Variants in JAK2 observed in about 807,000 individuals in gnomAD.
JAK2 encodes Janus kinase 2, also known as tyrosine-protein kinase JAK2.
Under a neutral mutation model 139.3 loss-of-function variants are expected in JAK2, and 86 were observed. That is an observed-to-expected ratio of 0.62 (90% CI 0.52 to 0.74). The LOEUF is 0.74. Ranked by LOEUF, JAK2 falls within the 30% of genes least tolerant of loss-of-function variation. JAK2 has a pLI of 0.00. For missense variants in JAK2, 1,421 were observed against 1,360.3 expected (o/e 1.04, Z -0.70); for synonymous variants, 490 against 437.7 (o/e 1.12, Z -1.49).
chr9:5,115,879 G>A (rs1043999312), intron 22 of JAK2, among the ~76,000 whole-genome samples: 2 of 152,114 alleles, frequency 1.3e-5, no homozygotes, highest in African/African-American at 4.8e-5. Context: ...GACACAGGGA[G>A]GGGAACATCA....
At chr9:5,073,373 C>G (rs925351977) in intron 13 of JAK2, among the ~76,000 whole-genome samples, 1 of 152,160 alleles carries the variant, frequency 6.6e-6, no homozygotes, top group Non-Finnish European at 1.5e-5. Context: ...CTATATCTAT[C>G]TCTGACATCT....
chr9:5,127,332 T>G lies in JAK2; in HGVS notation c.*541T>G, dbSNP rs568557427. The G allele has an allele frequency of 2.6e-5, 6 of 232,178 alleles. No individual in the cohort carries two copies. The South Asian group carries it at 9.1e-4, about 35-fold the overall frequency. The allele number at this position is 232,178 out of a possible 1,614,324, so 14.4% of individuals were successfully genotyped here. A position where few individuals can be genotyped will look rare whatever the true frequency, so the allele number is the denominator to read the frequency against. ...TCAGATAATTGAATAAGTACCTTTGTGTCCTTGTTCATTTATATCGCTGGC... is the reference window on the plus strand; with the variant it reads ...TCAGATAATTGAATAAGTACCTTTGGGTCCTTGTTCATTTATATCGCTGGC... On this transcript the variant is annotated 3_prime_UTR_variant, in exon 25 of 25. Coordinates refer to ENST00000381652, the MANE Select transcript of JAK2 (RefSeq NM_004972.4).
rs1168658789 is a variant in JAK2 at position 5,081,825 on chromosome 9, A to G, written c.2535A>G (p.Glu845=). ...AFEDRDPTQF[E]ERHLKFLQQL... ...AAGACCGGGATCCTACACAGTTTGA[A>G]GAGAGACATTTGAAATTTCTACAGC... Residue 845 remains glutamate (E), a synonymous_variant, in exon 19 of 25, where the codon GAA becomes GAG. Transcript: ENST00000381652. The G allele has an allele frequency of 1.2e-6, 2 of 1,613,776 alleles. No homozygotes were observed. Among genetic ancestry groups the G allele is most frequent in the Non-Finnish European group, 1.7e-6 (2 of 1,179,664 alleles).
intron 11 of JAK2, among the ~76,000 whole-genome samples, chr9:5,069,545 TA>T (rs1365141876): frequency 6.6e-6 from 1 of 152,120 alleles, no homozygotes; most frequent in Non-Finnish European, 1.5e-5. Flanking sequence ...TTCTGTATTT[TA>T]AAAATAAAGA....
At chr9:5,114,243 A>G (rs917841070) in intron 22 of JAK2, 2 of 532,590 alleles carry the variant, frequency 3.8e-6, no homozygotes, top group Non-Finnish European at 3.7e-6. Context: ...CAAGTTGCCC[A>G]CAATCACCTG....
intron 6 of JAK2, among the ~76,000 whole-genome samples, chr9:5,053,161 A>G (rs1234874688): frequency 6.6e-6 from 1 of 151,970 alleles, no homozygotes; most frequent in Non-Finnish European, 1.5e-5. Flanking sequence ...TCTGTATTTT[A>G]TCCATCCTAG....
chr9:5,106,395 C>T (rs1376925510), intron 22 of JAK2, among the ~76,000 whole-genome samples: 2 of 152,164 alleles, frequency 1.3e-5, no homozygotes, highest in African/African-American at 4.8e-5. Flanking sequence ...AGACAGGAAA[C>T]AACAGATGCT....
chr9:5,002,165 A>G (rs972988270), intron 2 of JAK2, among the ~76,000 whole-genome samples: 2 of 151,782 alleles, frequency 1.3e-5, no homozygotes, highest in Non-Finnish European at 2.9e-5. Context: ...TGTTTTATAT[A>G]TTATTAATTT....
intron 19 of JAK2, among the ~76,000 whole-genome samples, chr9:5,084,066 C>T (rs768831286): frequency 3.3e-5 from 5 of 152,052 alleles, no homozygotes; most frequent in Non-Finnish European, 7.4e-5. Context: ...TGCTTTTTAA[C>T]ATTTTTAGTG....
intron 8 of JAK2, among the ~76,000 whole-genome samples, chr9:5,063,694 A>G (rs549366571): frequency 2.6e-5 from 4 of 152,264 alleles, no homozygotes; most frequent in African/African-American, 7.2e-5. Context: ...GTTGCATAAG[A>G]GTGTTTTGAA....
At chr9:5,125,048 A>G (rs1823884258) in intron 23 of JAK2, among the ~76,000 whole-genome samples, 3 of 151,310 alleles carry the variant, frequency 2.0e-5, no homozygotes, top group Admixed American at 2.0e-4. Context: ...GTTAAAATAA[A>G]CCTTCCAAAG....
At chr9:5,011,255 G>A (rs568646229) in intron 2 of JAK2, among the ~76,000 whole-genome samples, 71 of 152,144 alleles carry the variant, frequency 4.7e-4, no homozygotes, top group African/African-American at 1.4e-3. Context: ...GTGTGATCAC[G>A]GCTTTCTGCA....
chr9:5,016,141 C>CA (rs1822045062), intron 2 of JAK2, among the ~76,000 whole-genome samples: 1 of 152,192 alleles, frequency 6.6e-6, no homozygotes, highest in Non-Finnish European at 1.5e-5. Flanking sequence ...AACCTCCCGC[C>CA]AAACGCTGCC....
At chr9:5,060,108 TG>T (rs1379125151) in intron 8 of JAK2, among the ~76,000 whole-genome samples, 1 of 152,228 alleles carries the variant, frequency 6.6e-6, no homozygotes, top group East Asian at 1.9e-4. Context: ...CTACTAAGTG[TG>T]CAACAGCATT....
At chr9:5,043,773 A>C (rs1034087540) in intron 4 of JAK2, among the ~76,000 whole-genome samples, 1 of 152,254 alleles carries the variant, frequency 6.6e-6, no homozygotes, top group African/African-American at 2.4e-5. Flanking sequence ...CAATAAAAGG[A>C]AATGAAGTAA....
chr9:5,091,098 A>G (rs899765609), intron 22 of JAK2, 187 bp downstream of exon 22: 15 of 467,144 alleles, frequency 3.2e-5, no homozygotes, highest in Non-Finnish European at 5.6e-5. Context: ...GGAAAATGGC[A>G]TATGCTTTAT....
intron 6 of JAK2, among the ~76,000 whole-genome samples, chr9:5,051,090 C>G (rs1333478899): frequency 1.3e-5 from 2 of 152,040 alleles, no homozygotes; most frequent in African/African-American, 2.4e-5. Flanking sequence ...TGTTGACGTT[C>G]AAAAAGTTCT....
chr9:5,096,679 G>GTTGA (rs1410530142), intron 22 of JAK2: 5 of 151,990 alleles, frequency 3.3e-5, no homozygotes, highest in Non-Finnish European at 5.9e-5. Flanking sequence ...TTCATCAATT[G>GTTGA]TTGATTGTTT....
At chr9:5,088,647 G>T (rs1317150984) in intron 19 of JAK2, among the ~76,000 whole-genome samples, 1 of 152,188 alleles carries the variant, frequency 6.6e-6, no homozygotes, top group Non-Finnish European at 1.5e-5. Context: ...TTAAACATCA[G>T]ACATTTATTT....
Sources: allele counts gnomAD v4.1 joint callset (sites outside exome capture counted in the v4.1 genomes callset), GRCh38; gene constraint gnomAD v4.1.1; transcripts MANE v1.5; gene names NCBI Gene and HGNC (gene_info 2026-07-23, HGNC 2026-07-21).